FOXP1: variants seen among roughly 807,000 people sequenced by gnomAD.
FOXP1 encodes forkhead box P1, also known as forkhead box protein P1.
A neutral mutation model predicts 98.2 loss-of-function variants in FOXP1; 15 were observed. The ratio of observed to expected loss-of-function variants is 0.15; its 90% CI spans 0.10 to 0.24. The LOEUF (loss-of-function observed/expected upper bound fraction) is 0.24, where lower values mean the gene tolerates loss of function less well. FOXP1 is among the 10% of genes least tolerant of loss of function. FOXP1 has a pLI of 1.00. For synonymous variants in FOXP1, 371 were observed against 314.5 expected (o/e 1.18, Z -1.90); for missense variants, 633 against 848.5 (o/e 0.75, Z 3.15).
chr3:71,182,473 G>A (rs2062370204), intron 6 of FOXP1, among the ~76,000 whole-genome samples: 1 of 150,846 alleles, frequency 6.6e-6, no homozygotes. Context: ...AGAAATTTGG[G>A]GATATACAGA....
chr3:71,538,374 T>C (rs144243997), intron 2 of FOXP1, among the ~76,000 whole-genome samples: 1 of 152,364 alleles, frequency 6.6e-6, no homozygotes, highest in East Asian at 1.9e-4. Flanking sequence ...TGTGTCTTAA[T>C]GGATTTGCCA....
intron 20 of FOXP1, among the ~76,000 whole-genome samples, chr3:70,962,131 T>C (rs2033687185): frequency 6.6e-6 from 1 of 152,244 alleles, no homozygotes; most frequent in South Asian, 2.1e-4. Flanking sequence ...TTTTTAAATA[T>C]TGTAAATTCA....
chr3:71,547,164 G>A (rs1049177927), intron 2 of FOXP1, among the ~76,000 whole-genome samples: 3 of 152,266 alleles, frequency 2.0e-5, no homozygotes, highest in South Asian at 2.1e-4. Flanking sequence ...AAAAATTACA[G>A]GTTTCTGAAA....
intron 20 of FOXP1, among the ~76,000 whole-genome samples, chr3:70,962,684 A>T (rs2106934243): frequency 6.6e-6 from 1 of 152,304 alleles, no homozygotes; most frequent in Non-Finnish European, 1.5e-5. Flanking sequence ...CCAAATCAAC[A>T]TTTTCCTACT....
chr3:71,492,008 C>T (rs2091093391), intron 3 of FOXP1, among the ~76,000 whole-genome samples: 1 of 152,226 alleles, frequency 6.6e-6, no homozygotes, highest in East Asian at 1.9e-4. Flanking sequence ...TATGGTCCAG[C>T]CCAGACCAAC....
chr3:71,475,995 T>C (rs992087957), intron 3 of FOXP1, among the ~76,000 whole-genome samples: 7 of 150,754 alleles, frequency 4.6e-5, no homozygotes, highest in African/African-American at 1.7e-4. Context: ...GGGGTGCTAA[T>C]GGTATACACA....
At chr3:70,978,090 A>G in intron 14 of FOXP1, 61 bp from the exon 15 acceptor site, 3 of 1,404,666 alleles carry the variant, frequency 2.1e-6, no homozygotes, top group Non-Finnish European at 2.0e-6. Flanking sequence ...CCCAGGAACC[A>G]CATCTAGCAG....
intron 2 of FOXP1, among the ~76,000 whole-genome samples, chr3:71,578,878 A>AT (rs1318427336): frequency 6.6e-6 from 1 of 152,248 alleles, no homozygotes; most frequent in African/African-American, 2.4e-5. Context: ...TTTTGCTATT[A>AT]TAAGTATAAA....
intron 5 of FOXP1, among the ~76,000 whole-genome samples, chr3:71,204,539 A>G (rs564218890): frequency 3.3e-5 from 5 of 152,326 alleles, no homozygotes; most frequent in African/African-American, 1.2e-4. Context: ...CAATGGAGAC[A>G]TCACATTTGC....
intron 6 of FOXP1, among the ~76,000 whole-genome samples, chr3:71,171,464 T>C (rs2061649361): frequency 6.6e-6 from 1 of 152,212 alleles, no homozygotes; most frequent in South Asian, 2.1e-4. Context: ...GCATTTTTCC[T>C]CTTGTTGTTA....
intron 11 of FOXP1, among the ~76,000 whole-genome samples, chr3:71,032,750 T>C (rs1291112873): frequency 6.6e-6 from 1 of 152,188 alleles, no homozygotes; most frequent in East Asian, 1.9e-4. Flanking sequence ...AAAAGGAACA[T>C]GACATCCGCT....
At chr3:71,383,857 G>T (rs1444413443) in intron 3 of FOXP1, among the ~76,000 whole-genome samples, 1 of 152,128 alleles carries the variant, frequency 6.6e-6, no homozygotes, top group Non-Finnish European at 1.5e-5. Context: ...ATAAAAGAGG[G>T]TAAGTCAGGC....
intron 3 of FOXP1, among the ~76,000 whole-genome samples, chr3:71,476,093 T>C (rs1278896794): frequency 6.6e-6 from 1 of 152,116 alleles, no homozygotes; most frequent in African/African-American, 2.4e-5. Context: ...AAGTGAAACA[T>C]CACTAGTGTG....
intron 5 of FOXP1, among the ~76,000 whole-genome samples, chr3:71,268,942 C>T (rs1261990666): frequency 6.6e-6 from 1 of 152,100 alleles, no homozygotes; most frequent in Non-Finnish European, 1.5e-5. Context: ...TCTTTTATTA[C>T]CCAACATGTA....
chr3:71,581,580 G>T lies in FOXP1; in HGVS notation c.-329C>A, dbSNP rs1049400274. The T allele has an allele frequency of 3.2e-5, 32 of 985,398 alleles. No individual in the cohort carries two copies. The highest frequency in any genetic ancestry group is 7.2e-6 in the Non-Finnish European group (6 of 830,004). 61.0% of individuals were successfully genotyped at this position (985,398 alleles called of 1,614,324 possible). On this transcript the variant is annotated 5_prime_UTR_variant, in exon 2 of 21. Coordinates refer to ENST00000649528, the MANE Select transcript of FOXP1 (RefSeq NM_001349338.3). ...AGTCCGGGGAGGGAGTAGGAGCGCC[G>T]CCTTCACGCCCGCGGAGGAGGCGCC... is the stretch of plus-strand genomic sequence containing the variant.
chr3:71,001,184 GT>G (rs2107614244), intron 12 of FOXP1, 125 bp from the exon 13 acceptor site: 1 of 718,618 alleles, frequency 1.4e-6, no homozygotes, highest in South Asian at 1.5e-5. Context: ...AGTCCAGGGG[GT>G]GGCCTGTCCT....
At chr3:71,572,616 A>G (rs1038414039) in intron 2 of FOXP1, 2 of 152,216 alleles carry the variant, frequency 1.3e-5, no homozygotes, top group African/African-American at 2.4e-5. Context: ...AATCCTGTAC[A>G]TGCATACATA....
intron 9 of FOXP1, among the ~76,000 whole-genome samples, chr3:71,047,608 A>C (rs1232060467): frequency 6.6e-6 from 1 of 152,254 alleles, no homozygotes; most frequent in African/African-American, 2.4e-5. Flanking sequence ...AATATTGTTA[A>C]TTAGCCATGA....
chr3:71,220,985 TA>T, intron 5 of FOXP1, among the ~76,000 whole-genome samples: 1 of 151,140 alleles, frequency 6.6e-6, no homozygotes, highest in African/African-American at 2.4e-5. Flanking sequence ...CACACATATA[TA>T]AAGCTAGCAG....
Sources: allele counts gnomAD v4.1 joint callset (sites outside exome capture counted in the v4.1 genomes callset), GRCh38; gene constraint gnomAD v4.1.1; transcripts MANE v1.5; gene names NCBI Gene and HGNC (gene_info 2026-07-23, HGNC 2026-07-21).